HDAC9: variants seen among roughly 807,000 people sequenced by gnomAD.
HDAC9 encodes histone deacetylase 9.
In HDAC9, 41 loss-of-function variants were observed where a neutral mutation model predicts 139.4. The observed-to-expected ratio is 0.29, with a 90% CI of 0.23 to 0.38. HDAC9 has a LOEUF of 0.38. Among genes scored for constraint, HDAC9 ranks in the 10% least tolerant of loss-of-function variants. HDAC9 has a pLI of 1.00. For missense variants in HDAC9, 1,147 were observed against 1,297.0 expected (o/e 0.88, Z 1.78); for synonymous variants, 517 against 476.2 (o/e 1.09, Z -1.12).
rs562001583 is a variant in HDAC9 at position 18,477,403 on chromosome 7, G to GTGCA, written c.-41-18855_-41-18852dup. 1.8e-4 allele frequency among the ~76,000 whole-genome samples: 28 copies of GTGCA among 151,772 alleles called. No homozygotes were observed. The East Asian group carries it at 3.9e-3, about 21-fold the overall frequency. ...TGATCAGTTATGTGTGCGTGCGTGC[G>GTGCA]TGCATGCGTGTGTGTGTGTGTGAAA... is the stretch of plus-strand genomic sequence containing the variant. On this transcript the variant is annotated intron_variant, in intron 1 of 3. Transcript: ENST00000413509.
intron 1 of HDAC9, among the ~76,000 whole-genome samples, chr7:18,387,172 G>A (rs1418257985): frequency 6.6e-6 from 1 of 152,152 alleles, no homozygotes; most frequent in African/African-American, 2.4e-5. Context: ...ATTTTTATAA[G>A]TTGAATCTTT....
intron 2 of HDAC9, among the ~76,000 whole-genome samples, chr7:18,503,972 C>CA (rs915496704): frequency 6.6e-6 from 1 of 152,032 alleles, no homozygotes; most frequent in Non-Finnish European, 1.5e-5. Context: ...ATCCAGAAAA[C>CA]AAAAAATAAG....
At chr7:18,854,644 G>A (rs1047849403) in intron 21 of HDAC9, among the ~76,000 whole-genome samples, 2 of 151,936 alleles carry the variant, frequency 1.3e-5, no homozygotes, top group Admixed American at 6.6e-5. Flanking sequence ...CACTACTCTA[G>A]TCTAGTATGG....
intron 2 of HDAC9, among the ~76,000 whole-genome samples, chr7:18,522,941 G>T (rs1805562267): frequency 6.6e-6 from 1 of 152,202 alleles, no homozygotes. Flanking sequence ...AAATGATGTA[G>T]TGTCTTGCTT....
At chr7:18,761,130 T>C (rs1440299339) in intron 14 of HDAC9, among the ~76,000 whole-genome samples, 1 of 152,236 alleles carries the variant, frequency 6.6e-6, no homozygotes, top group Non-Finnish European at 1.5e-5. Flanking sequence ...TCTGTAATAC[T>C]AGAAAGCACA....
intron 1 of HDAC9, among the ~76,000 whole-genome samples, chr7:18,351,544 A>G (rs1782849899): frequency 6.6e-6 from 1 of 152,176 alleles, no homozygotes; most frequent in South Asian, 2.1e-4. Flanking sequence ...AGATATATAT[A>G]TTTAAATGAC....
rs974045740 is a variant in HDAC9, at chr7:18,997,888, T to C, written c.*1826T>C. 1 of 152,142 alleles carries C rather than the reference T, an allele frequency of 6.6e-6. No homozygotes were observed. The highest frequency in any genetic ancestry group is 2.4e-5 in the African/African-American group (1 of 41,464). The allele number at this position is 152,142 out of a possible 1,614,324, so 9.4% of individuals were successfully genotyped here. On this transcript the variant is annotated 3_prime_UTR_variant, in exon 26 of 26. Coordinates refer to ENST00000686413, the MANE Select transcript of HDAC9 (RefSeq NM_178425.4). Reference sequence around the variant, plus strand: ...ACTTCTTAGAAATTTGAGACACCCTTTGAAATAGGAAATCTGAAATGGAAT... The same window carrying C: ...ACTTCTTAGAAATTTGAGACACCCTCTGAAATAGGAAATCTGAAATGGAAT...
chr7:18,536,459 A>C (rs935531028), intron 2 of HDAC9, among the ~76,000 whole-genome samples: 2 of 152,234 alleles, frequency 1.3e-5, no homozygotes, highest in African/African-American at 4.8e-5. Flanking sequence ...ATTCCTCAAC[A>C]GGACATTATT....
chr7:18,574,661 A>G (rs1249005980), intron 2 of HDAC9, among the ~76,000 whole-genome samples: 2 of 152,140 alleles, frequency 1.3e-5, no homozygotes, highest in Non-Finnish European at 2.9e-5. Context: ...GCTGCCCTCA[A>G]TCTCCCACTC....
intron 24 of HDAC9, among the ~76,000 whole-genome samples, chr7:18,965,211 A>T (rs1457077089): frequency 6.6e-6 from 1 of 152,194 alleles, no homozygotes; most frequent in Non-Finnish European, 1.5e-5. Flanking sequence ...ATGTTTGTCT[A>T]TGTACAGGGA....
intron 2 of HDAC9, among the ~76,000 whole-genome samples, chr7:18,510,153 A>G (rs1801039496): frequency 2.0e-5 from 3 of 152,314 alleles, no homozygotes; most frequent in Admixed American, 1.3e-4. Context: ...TCATTATAGA[A>G]TGTAAGCAGG....
intron 2 of HDAC9, among the ~76,000 whole-genome samples, chr7:18,202,281 TTTTTCCA>T: frequency 6.6e-6 from 1 of 152,208 alleles, no homozygotes; most frequent in Non-Finnish European, 1.5e-5. Flanking sequence ...GTTCCAGATA[TTTTTCCA>T]ATGTTTATCT....
intron 14 of HDAC9, 131 bp downstream of exon 14, chr7:18,749,269 A>T: frequency 1.0e-6 from 1 of 991,782 alleles, no homozygotes; most frequent in South Asian, 1.6e-5. Context: ...ACCATCATAG[A>T]TTCAGGTAGC....
chr7:18,853,551 C>A (rs536105301), intron 21 of HDAC9, among the ~76,000 whole-genome samples: 1 of 152,226 alleles, frequency 6.6e-6, no homozygotes, highest in East Asian at 1.9e-4. Flanking sequence ...TTCAGAACAT[C>A]TTTATAAATT....
intron 13 of HDAC9, among the ~76,000 whole-genome samples, chr7:18,745,647 C>T (rs932829809): frequency 6.7e-6 from 1 of 149,272 alleles, no homozygotes; most frequent in African/African-American, 2.5e-5. Context: ...CCCGGGTTCA[C>T]ACCATTCTCC....
At chr7:18,511,097 G>A (rs151300491) in intron 2 of HDAC9, among the ~76,000 whole-genome samples, 55 of 152,248 alleles carry the variant, frequency 3.6e-4, no homozygotes, top group African/African-American at 1.2e-3. Context: ...TAGTGAATTT[G>A]CAAAGGCTGC....
chr7:18,613,412 C>A (rs181616693), intron 6 of HDAC9, among the ~76,000 whole-genome samples: 1 of 151,902 alleles, frequency 6.6e-6, no homozygotes, highest in African/African-American at 2.4e-5. Context: ...GCACATAGAG[C>A]GGATTAAGGG....
chr7:18,443,980 A>G (rs1477530617), intron 1 of HDAC9, among the ~76,000 whole-genome samples: 1 of 151,972 alleles, frequency 6.6e-6, no homozygotes, highest in Non-Finnish European at 1.5e-5. Flanking sequence ...ATGTAAGCAT[A>G]TATGTGTGTA....
chr7:18,990,959 A>T (rs986349994), intron 25 of HDAC9, among the ~76,000 whole-genome samples: 2 of 152,184 alleles, frequency 1.3e-5, no homozygotes, highest in Admixed American at 1.3e-4. Flanking sequence ...CTCCCTAGTG[A>T]GATGAACCCG....
Sources: gnomAD v4.1 joint callset for allele counts (sites outside exome capture counted in the v4.1 genomes callset) on GRCh38, gnomAD v4.1.1 for gene constraint, MANE v1.5 for transcripts, NCBI Gene and HGNC (gene_info 2026-07-23, HGNC 2026-07-21) for gene names.